OXR1: variants seen among roughly 807,000 people sequenced by gnomAD.
OXR1 encodes the protein oxidation resistance 1.
Under a neutral mutation model 104.6 loss-of-function variants are expected in OXR1, and 41 were observed. That is an observed-to-expected ratio of 0.39 (90% CI 0.31 to 0.51). The LOEUF is 0.51. OXR1 is among the 20% of genes least tolerant of loss of function. The pLI, the probability that OXR1 is intolerant of heterozygous loss-of-function variation, is 0.77. For synonymous variants in OXR1, 348 were observed against 348.4 expected, an observed-to-expected ratio of 1.00 and a Z score of 0.01; for missense variants, 955 against 1,031.9, an observed-to-expected ratio of 0.93 and a Z score of 1.02.
intron 2 of OXR1, among the ~76,000 whole-genome samples, chr8:106,383,786 A>T (rs1340255295): frequency 6.6e-6 from 1 of 152,226 alleles, no homozygotes; most frequent in African/African-American, 2.4e-5. Context: ...CATACATCGT[A>T]AGCCAAGTCA....
chr8:106,355,924 C>G (rs1330476489), intron 1 of OXR1, among the ~76,000 whole-genome samples: 1 of 152,000 alleles, frequency 6.6e-6, no homozygotes, highest in South Asian at 2.1e-4. Flanking sequence ...AGAAAAAATG[C>G]ATCAGACAGA....
chr8:106,494,009 A>G (rs565840202), intron 2 of OXR1, among the ~76,000 whole-genome samples: 2 of 152,348 alleles, frequency 1.3e-5, no homozygotes, highest in South Asian at 2.1e-4. Flanking sequence ...CCTACCTTGC[A>G]TAGTCATTAT....
chr8:106,563,369 A>G (rs1171820876), intron 3 of OXR1, among the ~76,000 whole-genome samples: 4 of 152,170 alleles, frequency 2.6e-5, no homozygotes, highest in African/African-American at 9.7e-5. Flanking sequence ...AGTTTAAACC[A>G]ACAGAGATCC....
chr8:106,625,509 A>G (rs1023970111), intron 3 of OXR1, among the ~76,000 whole-genome samples: 1 of 152,230 alleles, frequency 6.6e-6, no homozygotes, highest in African/African-American at 2.4e-5. Context: ...ACATGTGTGT[A>G]GAGCAAGAAT....
Position 106,562,639 on chromosome 8 carries a change from C to T in OXR1, c.220+43500C>T, listed in dbSNP as rs561102711. 3.9e-5 allele frequency among the ~76,000 whole-genome samples: 6 copies of T among 152,096 alleles called. No homozygotes were observed. The East Asian group carries it at 7.8e-4, about 20-fold the overall frequency. ...AAGAGAACACCACAAAGACACTCTT[C>T]GAGACAGCAACCCCAAGACAAATAA... is the stretch of plus-strand genomic sequence containing the variant. On this transcript the variant is annotated intron_variant, in intron 3 of 16. Coordinates refer to ENST00000517566, the MANE Select transcript of OXR1 (RefSeq NM_001198533.2).
intron 1 of OXR1, among the ~76,000 whole-genome samples, chr8:106,285,750 A>C (rs1409478463): frequency 6.6e-6 from 1 of 151,808 alleles, no homozygotes; most frequent in African/African-American, 2.4e-5. Context: ...GCAGAGAATT[A>C]TTTTTCTGTG....
At chr8:106,687,253 G>A (rs1382236019) in intron 6 of OXR1, among the ~76,000 whole-genome samples, 1 of 152,118 alleles carries the variant, frequency 6.6e-6, no homozygotes, top group African/African-American at 2.4e-5. Context: ...ACATTCTTCA[G>A]CATCTCATCT....
chr8:106,428,426 G>A (rs544326332), intron 2 of OXR1, among the ~76,000 whole-genome samples: 4 of 152,276 alleles, frequency 2.6e-5, no homozygotes, highest in African/African-American at 7.2e-5. Flanking sequence ...TGCCTGCAAG[G>A]GAGGCTGGGA....
At chr8:106,433,441 T>C (rs996961493) in intron 2 of OXR1, among the ~76,000 whole-genome samples, 1 of 152,170 alleles carries the variant, frequency 6.6e-6, no homozygotes, top group African/African-American at 2.4e-5. Context: ...TAAATTGTGA[T>C]TTCAAATCTT....
intron 3 of OXR1, among the ~76,000 whole-genome samples, chr8:106,669,019 T>C (rs965166820): frequency 1.3e-5 from 2 of 152,184 alleles, no homozygotes; most frequent in African/African-American, 2.4e-5. Flanking sequence ...GCTCTATAGC[T>C]CTTTAATATC....
At chr8:106,351,782 C>T (rs747912442) in intron 1 of OXR1, among the ~76,000 whole-genome samples, 3 of 152,048 alleles carry the variant, frequency 2.0e-5, no homozygotes, top group Non-Finnish European at 2.9e-5. Context: ...TCATGATTGT[C>T]GTCATCATCA....
At chr8:106,590,477 A>G (rs1361169444) in intron 3 of OXR1, among the ~76,000 whole-genome samples, 1 of 152,178 alleles carries the variant, frequency 6.6e-6, no homozygotes, top group Non-Finnish European at 1.5e-5. Context: ...TAGTAGAGAC[A>G]GGGTTTCACC....
intron 7 of OXR1, among the ~76,000 whole-genome samples, chr8:106,694,806 A>C (rs1305000410): frequency 8.0e-6 from 1 of 124,750 alleles, no homozygotes; most frequent in Non-Finnish European, 1.6e-5. Context: ...AAATACATAT[A>C]TATTTAATAG....
chr8:106,285,685 G>A (rs1311290098), intron 1 of OXR1, among the ~76,000 whole-genome samples: 4 of 151,994 alleles, frequency 2.6e-5, no homozygotes, highest in African/African-American at 7.2e-5. Context: ...GCATCGTGAT[G>A]CACTTTCAAA....
At chr8:106,504,986 C>G (rs1161257089) in intron 2 of OXR1, among the ~76,000 whole-genome samples, 2 of 152,148 alleles carry the variant, frequency 1.3e-5, no homozygotes, top group East Asian at 3.9e-4. Context: ...TAGCACAATA[C>G]CAATAAATCA....
At chr8:106,664,290 T>C (rs1241881861) in intron 3 of OXR1, among the ~76,000 whole-genome samples, 1 of 152,174 alleles carries the variant, frequency 6.6e-6, no homozygotes, top group Admixed American at 6.5e-5. Context: ...AACAGAATCA[T>C]CTCCTGAAGG....
intron 2 of OXR1, among the ~76,000 whole-genome samples, chr8:106,504,095 A>G (rs1811995279): frequency 6.6e-6 from 1 of 152,202 alleles, no homozygotes; most frequent in Non-Finnish European, 1.5e-5. Flanking sequence ...CTTTGAACAT[A>G]GAAGGGACTC....
At chr8:106,617,245 AAACCCC>A (rs1821315698) in intron 3 of OXR1, among the ~76,000 whole-genome samples, 1 of 152,210 alleles carries the variant, frequency 6.6e-6, no homozygotes, top group Non-Finnish European at 1.5e-5. Flanking sequence ...CAACATAATG[AAACCCC>A]ATCTCTACTA....
In OXR1 at chr8:106,551,862, G is replaced by A. The variant is rs1789970; in HGVS notation, c.220+32723G>A. On this transcript the variant is annotated intron_variant, in intron 3 of 16. Transcript: ENST00000517566. ...TGTGTACATATATGTGTATATATAT[G>A]TGTGTGTGTGTGTGTGTGTGTGTGT... 9.2e-4 allele frequency among the ~76,000 whole-genome samples: 75 copies of A among 81,252 alleles called. 1 individual carries two copies. The highest frequency in any genetic ancestry group is 2.3e-3 in the African/African-American group (40 of 17,532). 53.3% of individuals were successfully genotyped at this position (81,252 alleles called of 152,430 possible).
Sources: gnomAD v4.1 joint callset for allele counts (sites outside exome capture counted in the v4.1 genomes callset) on GRCh38, gnomAD v4.1.1 for gene constraint, MANE v1.5 for transcripts, NCBI Gene and HGNC (gene_info 2026-07-23, HGNC 2026-07-21) for gene names.